The following SSBP2 variants were observed in gnomAD, a reference collection of about 807,000 sequenced individuals.
The protein encoded by SSBP2 is single-stranded DNA-binding protein 2.
SSBP2 carries 17 observed loss-of-function variants against 61.8 expected under a neutral mutation model. That is an observed-to-expected ratio of 0.28 (90% confidence interval 0.19 to 0.41). SSBP2 has a LOEUF of 0.41. Among genes scored for constraint, SSBP2 ranks in the 10% least tolerant of loss-of-function variants. The pLI is 1.00. For synonymous variants in SSBP2, 139 were observed against 141.3 expected (o/e 0.98, Z 0.12); for missense variants, 310 against 458.7 (o/e 0.68, Z 2.96).
In SSBP2 at chr5:81,650,348, CAAATA is replaced by C. The variant is rs1749620726; in HGVS notation, c.63-14_63-10del. ...ATACGTAGAGTGCTAACCTGGAAAACAAATAAAATATTTATTGAGAAGAGGAATAT... is the reference window on the plus strand; with the variant it reads ...ATACGTAGAGTGCTAACCTGGAAAACAAATATTTATTGAGAAGAGGAATAT... On this transcript the variant is annotated splice_polypyrimidine_tract_variant and intron_variant, in intron 1 of 16. Coordinates refer to ENST00000320672, the MANE Select transcript of SSBP2 (RefSeq NM_012446.5). The C allele has an allele frequency of 1.3e-6, 2 of 1,523,482 alleles. No individual in the cohort carries two copies. Among genetic ancestry groups the C allele is most frequent in the Non-Finnish European group, 1.8e-6 (2 of 1,130,662 alleles). 94.4% of individuals were successfully genotyped at this position (1,523,482 alleles called of 1,614,324 possible).
At chr5:81,540,473 T>A (rs1396345707) in intron 4 of SSBP2, among the ~76,000 whole-genome samples, 1 of 152,248 alleles carries the variant, frequency 6.6e-6, no homozygotes, top group Non-Finnish European at 1.5e-5. Context: ...TGGTTTTGAT[T>A]TGCATTTCTC....
chr5:81,508,612 A>T (rs1768360630), intron 5 of SSBP2, among the ~76,000 whole-genome samples: 1 of 152,168 alleles, frequency 6.6e-6, no homozygotes, highest in Non-Finnish European at 1.5e-5. Flanking sequence ...GTTATATCAT[A>T]ATTATTTATT....
chr5:81,546,780 TG>T (rs748825411), intron 4 of SSBP2, among the ~76,000 whole-genome samples: 25 of 152,066 alleles, frequency 1.6e-4, no homozygotes, highest in Non-Finnish European at 2.1e-4. Flanking sequence ...GTGAATTTAT[TG>T]ATCAATGATT....
chr5:81,440,519 T>C, intron 14 of SSBP2, 39 bp downstream of exon 14: 8 of 1,560,908 alleles, frequency 5.1e-6, no homozygotes, highest in Non-Finnish European at 7.0e-6. Context: ...TAAGGTTTTG[T>C]TATGAATTTA....
In SSBP2 at chr5:81,446,877, T is replaced by G; in HGVS notation, c.769A>C (p.Ser257Arg). Reference sequence around the variant, plus strand: ...AGTTTGATTACAATACCTGCTGGACTAGGCATGATGGGTGTTCCTGGTGGC... The same window carrying G: ...AGTTTGATTACAATACCTGCTGGACGAGGCATGATGGGTGTTCCTGGTGGC... The change falls in exon 12 of 17, where the codon AGT becomes CGT. Residue 257 changes from serine (S) to arginine (R), a missense_variant. By Grantham distance (110) the Ser-to-Arg change is moderately radical. Coordinates refer to ENST00000320672, the MANE Select transcript of SSBP2 (RefSeq NM_012446.5). 1 of 1,608,974 alleles carries G rather than the reference T, an allele frequency of 6.2e-7. No individual in the cohort carries two copies. The highest frequency in any genetic ancestry group is 8.5e-7 in the Non-Finnish European group (1 of 1,177,966).
At chr5:81,528,818 A>G (rs1770162809) in intron 4 of SSBP2, among the ~76,000 whole-genome samples, 1 of 152,110 alleles carries the variant, frequency 6.6e-6, no homozygotes, top group African/African-American at 2.4e-5. Flanking sequence ...CAAGCAAGTT[A>G]TAACAATCTT....
chr5:81,731,911 G>A (rs1756293807), intron 1 of SSBP2, among the ~76,000 whole-genome samples: 2 of 151,680 alleles, frequency 1.3e-5, no homozygotes, highest in African/African-American at 4.8e-5. Context: ...TTTCAATTAT[G>A]TCAGGAGAAC....
chr5:81,535,175 T>C lies in SSBP2; in HGVS notation c.283-21458A>G, dbSNP rs370208655. On this transcript the variant is annotated intron_variant, in intron 4 of 16. Transcript: ENST00000320672. Reference sequence around the variant, plus strand: ...ATAAAAAAACACAGCACTATTTACATTATTACCCCAAAAGATGAAATACTT... The same window carrying C: ...ATAAAAAAACACAGCACTATTTACACTATTACCCCAAAAGATGAAATACTT... Among the ~76,000 whole-genome samples, 23 of 152,034 alleles carry C rather than the reference T, an allele frequency of 1.5e-4. No homozygotes were observed. In the East Asian group the frequency reaches 1.9e-3, roughly 13 times the overall value.
At chr5:81,473,883 T>A (rs1765417455) in intron 7 of SSBP2, 113 bp from the exon 8 acceptor site, 1 of 924,638 alleles carries the variant, frequency 1.1e-6, no homozygotes, top group East Asian at 2.5e-5. Context: ...GTCTGAGTAC[T>A]GACACCATCT....
At chr5:81,703,364 G>A (rs1754126303) in intron 1 of SSBP2, among the ~76,000 whole-genome samples, 1 of 152,136 alleles carries the variant, frequency 6.6e-6, no homozygotes, top group Admixed American at 6.5e-5. Context: ...GGCAGCCTGA[G>A]CTACAGTCTG....
chr5:81,513,506 G>T, intron 5 of SSBP2, 122 bp downstream of exon 5: 1 of 609,548 alleles, frequency 1.6e-6, no homozygotes. Context: ...ATAATCAAGA[G>T]TTGGCTACAC....
chr5:81,616,804 G>C (rs1329969385), intron 3 of SSBP2, among the ~76,000 whole-genome samples: 1 of 152,034 alleles, frequency 6.6e-6, no homozygotes, highest in African/African-American at 2.4e-5. Flanking sequence ...CCTGTGCCCC[G>C]AGCAGCCTAA....
chr5:81,469,563 C>T (rs754834918), intron 8 of SSBP2, among the ~76,000 whole-genome samples: 3 of 151,836 alleles, frequency 2.0e-5, no homozygotes, highest in African/African-American at 7.2e-5. Flanking sequence ...TGTATCTATA[C>T]TTCCTGCTAA....
chr5:81,520,926 G>T (rs1769432033), intron 4 of SSBP2, among the ~76,000 whole-genome samples: 2 of 151,894 alleles, frequency 1.3e-5, no homozygotes, highest in Non-Finnish European at 2.9e-5. Flanking sequence ...TCTTTTTCAT[G>T]TTTAGTAATC....
At chr5:81,475,750 A>G (rs148487225) in intron 6 of SSBP2, among the ~76,000 whole-genome samples, 2 of 152,122 alleles carry the variant, frequency 1.3e-5, no homozygotes, top group Non-Finnish European at 2.9e-5. Context: ...TGCTGACATC[A>G]TTTAGATCTC....
intron 8 of SSBP2, among the ~76,000 whole-genome samples, chr5:81,467,355 C>G (rs1157996977): frequency 6.6e-6 from 1 of 151,886 alleles, no homozygotes; most frequent in East Asian, 1.9e-4. Flanking sequence ...TAAACATTTT[C>G]AAATGAAACA....
chr5:81,433,838 C>T lies in SSBP2; in HGVS notation c.957+3592G>A, dbSNP rs148643121. ...AACTGAGCAAGAAATAATTTTGAAA[C>T]TTCATTGGAAGCTTTGAATTCATTT... On this transcript the variant is annotated intron_variant, in intron 15 of 16. Coordinates refer to ENST00000320672, the MANE Select transcript of SSBP2 (RefSeq NM_012446.5). Among the ~76,000 whole-genome samples, 1,127 of 152,264 alleles carry T rather than the reference C, an allele frequency of 7.4e-3. 11 individuals carry two copies. The highest frequency in any genetic ancestry group is 0.024 in the African/African-American group (1,016 of 41,540).
At chr5:81,568,739 T>C (rs532067230) in intron 4 of SSBP2, among the ~76,000 whole-genome samples, 1 of 152,334 alleles carries the variant, frequency 6.6e-6, no homozygotes, top group South Asian at 2.1e-4. Context: ...TTTAAAATGT[T>C]CCCTTTGTAC....
intron 9 of SSBP2, among the ~76,000 whole-genome samples, chr5:81,463,758 CTTTTT>C (rs938398439): frequency 4.2e-5 from 4 of 96,312 alleles, no homozygotes; most frequent in South Asian, 3.5e-4. Flanking sequence ...GAAAAATCCT[CTTTTT>C]TTTTTTTTTT....
Sources: gnomAD v4.1 joint callset for allele counts (sites outside exome capture counted in the v4.1 genomes callset) on GRCh38, gnomAD v4.1.1 for gene constraint, MANE v1.5 for transcripts, NCBI Gene and HGNC (gene_info 2026-07-23, HGNC 2026-07-21) for gene names.